TFEC: variants seen among roughly 807,000 people sequenced by gnomAD.
TFEC encodes the protein class E basic helix-loop-helix protein 34.
In TFEC, 31 loss-of-function variants were observed where a neutral mutation model predicts 41.6. The observed-to-expected ratio is 0.74, with a 90% CI of 0.56 to 1.01. The LOEUF (loss-of-function observed/expected upper bound fraction) is 1.01. Among genes scored for constraint, TFEC ranks in the 50% least tolerant of loss-of-function variants. The pLI is 0.00. For missense variants in TFEC, 402 were observed against 404.1 expected (o/e 0.99, Z 0.04); for synonymous variants, 143 against 140.6 (o/e 1.02, Z -0.12).
chr7:116,110,834 T>A (rs1455406712), exon 3 of TFEC: 6 of 1,548,212 alleles, frequency 3.9e-6, no homozygotes, highest in Non-Finnish European at 5.2e-6. Flanking sequence ...CCTGGCTGAT[T>A]TGAAGTCTTC....
At chr7:115,945,503 G>C (rs74828006) in intron 6 of TFEC, among the ~76,000 whole-genome samples, 1,755 of 151,652 alleles carry the variant, frequency 0.012, 37 homozygotes, top group African/African-American at 0.04. Flanking sequence ...GCAAGCCAAG[G>C]AATAAAATGT....
At chr7:115,948,432 T>C (rs562463814) in intron 6 of TFEC, among the ~76,000 whole-genome samples, 132 of 152,148 alleles carry the variant, frequency 8.7e-4, no homozygotes, top group Non-Finnish European at 1.6e-3. Context: ...TGATGAACAT[T>C]GATGCAAAAA....
chr7:116,015,181 C>T (rs1795142923), intron 1 of TFEC, among the ~76,000 whole-genome samples: 2 of 151,378 alleles, frequency 1.3e-5, no homozygotes, highest in Middle Eastern at 3.5e-3. Flanking sequence ...TGAAATTTTG[C>T]TGATGGTTTC....
At chr7:116,077,131 T>C (rs1796977974) in intron 3 of TFEC, among the ~76,000 whole-genome samples, 1 of 152,162 alleles carries the variant, frequency 6.6e-6, no homozygotes, top group Non-Finnish European at 1.5e-5. Context: ...TTAGCCACCT[T>C]AAGCAAAACT....
intron 3 of TFEC, among the ~76,000 whole-genome samples, chr7:116,077,118 T>C (rs1398461845): frequency 3.3e-5 from 5 of 152,190 alleles, no homozygotes; most frequent in Non-Finnish European, 5.9e-5. Context: ...TGAGGTCCTA[T>C]TTTTAGCCAC....
Position 115,940,820 on chromosome 7 carries a change from C to G in TFEC, c.775G>C (p.Val259Leu), listed in dbSNP as rs1228357183. The change falls in exon 8 of 8, where the codon GTA (valine) becomes CTA (leucine). Residue 259 changes from valine to leucine, a missense_variant. By Grantham distance (32) the Val-to-Leu change is conservative. Coordinates refer to ENST00000265440, the MANE Select transcript of TFEC (RefSeq NM_012252.4). ...KQQSHPEQNS[V>L]DYCQQLTVSQ... ...ACAGTCAGTTGTTGGCAATAGTCTA[C>G]TGAATTCTGCTCAGGATGGCTCTGC... 1 of 1,613,536 alleles carries G rather than the reference C, an allele frequency of 6.2e-7. No homozygotes were observed. The highest frequency in any genetic ancestry group is 8.5e-7 in the Non-Finnish European group (1 of 1,179,614).
chr7:116,088,696 T>C (rs1797256086), intron 3 of TFEC, among the ~76,000 whole-genome samples: 1 of 152,152 alleles, frequency 6.6e-6, no homozygotes, highest in African/African-American at 2.4e-5. Flanking sequence ...ATTAGGTTTT[T>C]TAACATAAAT....
At chr7:116,073,926 T>C (rs12669287) in intron 3 of TFEC, among the ~76,000 whole-genome samples, 99,612 of 151,456 alleles carry the variant, frequency 0.66, 33,547 homozygotes, top group East Asian at 0.81. Flanking sequence ...ACATTTATGG[T>C]CAATTGACTT....
At chr7:116,039,819 G>T (rs1336833866) in intron 3 of TFEC, among the ~76,000 whole-genome samples, 1 of 151,710 alleles carries the variant, frequency 6.6e-6, no homozygotes. Context: ...TCTTTTAGAG[G>T]TTAAAAAAAG....
chr7:116,123,917 T>C (rs533861307), intron 1 of TFEC, among the ~76,000 whole-genome samples: 16 of 152,088 alleles, frequency 1.1e-4, no homozygotes, highest in Non-Finnish European at 1.8e-4. Flanking sequence ...TAGCATGATA[T>C]TAAACATAAC....
chr7:116,136,670 A>T (rs1316843867), intron 1 of TFEC, among the ~76,000 whole-genome samples: 2 of 151,858 alleles, frequency 1.3e-5, no homozygotes, highest in African/African-American at 2.4e-5. Context: ...AATTTTGAAA[A>T]ATCAGTTGAT....
intron 1 of TFEC, among the ~76,000 whole-genome samples, chr7:116,012,678 C>T (rs1443982438): frequency 6.6e-6 from 1 of 151,700 alleles, no homozygotes; most frequent in Non-Finnish European, 1.5e-5. Flanking sequence ...TGTATTATAT[C>T]CTAATGCTGG....
chr7:116,101,981 C>A (rs1797615602), intron 3 of TFEC, among the ~76,000 whole-genome samples: 1 of 152,144 alleles, frequency 6.6e-6, no homozygotes, highest in Non-Finnish European at 1.5e-5. Flanking sequence ...GTCTTTTAAT[C>A]TTCAGGAACA....
At chr7:116,102,458 C>G (rs1797626099) in intron 3 of TFEC, among the ~76,000 whole-genome samples, 1 of 152,002 alleles carries the variant, frequency 6.6e-6, no homozygotes, top group African/African-American at 2.4e-5. Context: ...CCCAAGGACA[C>G]CAATGTGGAA....
At chr7:116,055,786 G>A (rs530891210) in intron 3 of TFEC, among the ~76,000 whole-genome samples, 3 of 151,980 alleles carry the variant, frequency 2.0e-5, no homozygotes, top group African/African-American at 7.2e-5. Context: ...AGCTTAAAAG[G>A]TCACAAGCTA....
intron 3 of TFEC, among the ~76,000 whole-genome samples, chr7:116,103,621 T>A (rs550151068): frequency 2.6e-5 from 4 of 152,292 alleles, no homozygotes; most frequent in African/African-American, 9.6e-5. Context: ...TTTTGTCAAT[T>A]ATCTATATCT....
intron 1 of TFEC, among the ~76,000 whole-genome samples, chr7:116,003,119 C>T (rs571652195): frequency 6.6e-6 from 1 of 152,096 alleles, no homozygotes; most frequent in East Asian, 1.9e-4. Flanking sequence ...AATGCATCAA[C>T]TAAAAGACAG....
intron 1 of TFEC, among the ~76,000 whole-genome samples, chr7:116,144,551 C>T (rs931300985): frequency 2.6e-5 from 4 of 152,062 alleles, no homozygotes; most frequent in African/African-American, 4.8e-5. Flanking sequence ...CATCTCACTA[C>T]GTTGCCCAAG....
chr7:116,006,916 T>C (rs1208453885), intron 1 of TFEC, among the ~76,000 whole-genome samples: 4 of 152,302 alleles, frequency 2.6e-5, no homozygotes, highest in Non-Finnish European at 4.4e-5. Context: ...AGAGTTTCCC[T>C]GCACAATCTC....
Sources: allele counts gnomAD v4.1 joint callset (sites outside exome capture counted in the v4.1 genomes callset), GRCh38; gene constraint gnomAD v4.1.1; transcripts MANE v1.5; gene names NCBI Gene and HGNC (gene_info 2026-07-23, HGNC 2026-07-21).